NOS2: variants seen among roughly 807,000 people sequenced by gnomAD.
The protein encoded by NOS2 is nitric oxide synthase, inducible.
A neutral mutation model predicts 136.0 loss-of-function variants in NOS2; 96 were observed. The ratio of observed to expected loss-of-function variants is 0.71; its 90% CI spans 0.60 to 0.84. NOS2 has a LOEUF of 0.84. Ranked by LOEUF, NOS2 falls within the 40% of genes least tolerant of loss-of-function variation. NOS2 has a pLI of 0.00. For synonymous variants in NOS2, 539 were observed against 587.5 expected, an observed-to-expected ratio of 0.92 and a Z score of 1.20; for missense variants, 1,237 against 1,496.9, an observed-to-expected ratio of 0.83 and a Z score of 2.87.
chr17:27,775,371 G>A (rs1034561643), intron 11 of NOS2, among the ~76,000 whole-genome samples: 1 of 152,112 alleles, frequency 6.6e-6, no homozygotes, highest in African/African-American at 2.4e-5. Context: ...GGCGAGACGG[G>A]GAGATCACCT....
At chr17:27,786,003 G>A (rs531392917) in intron 5 of NOS2, among the ~76,000 whole-genome samples, 1 of 150,314 alleles carries the variant, frequency 6.7e-6, no homozygotes, top group Non-Finnish European at 1.5e-5. Flanking sequence ...AAGTGGAGGT[G>A]GTACCACCAG....
At chr17:27,781,433 T>C (rs1377589102) in intron 7 of NOS2, among the ~76,000 whole-genome samples, 1 of 152,204 alleles carries the variant, frequency 6.6e-6, no homozygotes, top group African/African-American at 2.4e-5. Flanking sequence ...TATGTCTCCG[T>C]CCTTGCAGTT....
intron 15 of NOS2, among the ~76,000 whole-genome samples, chr17:27,770,356 C>T (rs1008214625): frequency 3.9e-5 from 6 of 152,148 alleles, no homozygotes; most frequent in South Asian, 2.1e-4. Context: ...CATGGTGGCG[C>T]GTGCCTGTAA....
At position 27,757,141 on chromosome 17, in the gene NOS2, G is replaced by T. The variant is rs1907950273; in HGVS notation, c.*105C>A. 3.7e-6 allele frequency: 3 copies of T among 817,048 alleles called. No homozygotes were observed. Among genetic ancestry groups the T allele is most frequent in the Non-Finnish European group, 3.9e-6 (2 of 519,058 alleles). 50.6% of individuals were successfully genotyped at this position (817,048 alleles called of 1,614,324 possible). A position where few individuals can be genotyped will look rare whatever the true frequency, so the allele number is the denominator to read the frequency against. On this transcript the variant is annotated 3_prime_UTR_variant, in exon 27 of 27. Coordinates refer to ENST00000313735, the MANE Select transcript of NOS2 (RefSeq NM_000625.4). Reference sequence around the variant, plus strand: ...GAGGAAATAAGACTTGAGGCTGGGGGATATCACTTTCCTCCATCTCCCCAG... The same window carrying T: ...GAGGAAATAAGACTTGAGGCTGGGGTATATCACTTTCCTCCATCTCCCCAG...
Position 27,760,689 on chromosome 17 carries a change from GC to G in NOS2, c.2943del (p.Pro982LeufsTer29). 6.4e-7 allele frequency: 1 copy of G among 1,551,280 alleles called. No individual in the cohort carries two copies. Among genetic ancestry groups the G allele is most frequent in the Non-Finnish European group, 8.7e-7 (1 of 1,147,202 alleles). On this transcript the variant is annotated frameshift_variant, in exon 24 of 27. Transcript: ENST00000313735. LOFTEE classifies it high-confidence loss of function. Reference protein sequence around the residue: ...EDPSHPCILIGPGTGIAPFRS... With the variant: ...EDPSHPCILIXPGTGIAPFRS... ...CGGAAGGGCGCGATGCCTGTGCCAGGCCCGATGAGGATGCAAGGATGGGAGG... is the reference window on the plus strand; with the variant it reads ...CGGAAGGGCGCGATGCCTGTGCCAGGCCGATGAGGATGCAAGGATGGGAGG...
chr17:27,760,723 G>A lies in NOS2; in HGVS notation c.2910C>T (p.Pro970=). ...GGATGCAAGGATGGGAGGGATCCTCGGGGAGGTGGAAGCCGCTGGCACTGA... is the reference window on the plus strand; with the variant it reads ...GGATGCAAGGATGGGAGGGATCCTCAGGGAGGTGGAAGCCGCTGGCACTGA... ...FVRNASGFHL[P]EDPSHPCILI... Residue 970 remains proline, a synonymous_variant, in exon 24 of 27, where the codon CCC becomes CCT. Coordinates refer to ENST00000313735, the MANE Select transcript of NOS2 (RefSeq NM_000625.4). 1 of 1,550,056 alleles carries A rather than the reference G, an allele frequency of 6.5e-7. No homozygotes were observed. The highest frequency in any genetic ancestry group is 8.7e-7 in the Non-Finnish European group (1 of 1,146,988).
At chr17:27,772,540 C>T (rs1255637999) in intron 13 of NOS2, 88 bp from the exon 14 acceptor site, 35 of 1,481,832 alleles carry the variant, frequency 2.4e-5, no homozygotes, top group South Asian at 4.8e-5. Flanking sequence ...GAGGGGACAG[C>T]GTTTAATGTG....
intron 2 of NOS2, among the ~76,000 whole-genome samples, chr17:27,794,827 A>G (rs1909304611): frequency 6.6e-6 from 1 of 152,208 alleles, no homozygotes. Context: ...TGACACCTGA[A>G]CAGATTAGAA....
At chr17:27,789,874 T>G (rs1309631511) in intron 2 of NOS2, among the ~76,000 whole-genome samples, 186 bp from the exon 3 acceptor site, 1 of 152,148 alleles carries the variant, frequency 6.6e-6, no homozygotes, top group Non-Finnish European at 1.5e-5. Context: ...TCTTATCTTC[T>G]TCCTCCCGCA....
chr17:27,761,277 C>G (rs759458902), intron 22 of NOS2, 46 bp from the exon 23 acceptor site: 2 of 1,491,834 alleles, frequency 1.3e-6, no homozygotes, highest in African/African-American at 2.9e-5. Flanking sequence ...ACTGCCCATG[C>G]GCAAACTGTA....
chr17:27,775,803 T>A (rs559811789), intron 11 of NOS2, among the ~76,000 whole-genome samples: 60 of 152,084 alleles, frequency 3.9e-4, no homozygotes, highest in Non-Finnish European at 5.0e-4. Flanking sequence ...AGTTCTTACA[T>A]CATGAGGTTG....
intron 12 of NOS2, among the ~76,000 whole-genome samples, chr17:27,773,860 G>C (rs28999399): frequency 0.045 from 6,898 of 152,272 alleles, 331 homozygotes; most frequent in East Asian, 0.21. Flanking sequence ...CCCTTTTAGA[G>C]ATGAGAAGAT....
chr17:27,787,995 C>G (rs1909073049), intron 4 of NOS2, among the ~76,000 whole-genome samples, 169 bp from the exon 5 acceptor site: 1 of 152,192 alleles, frequency 6.6e-6, no homozygotes, highest in Non-Finnish European at 1.5e-5. Context: ...CTTTCTCCCA[C>G]CTAGATCTCC....
At chr17:27,771,071 ACC>A in intron 14 of NOS2, 54 bp from the exon 15 acceptor site, 6 of 1,335,542 alleles carry the variant, frequency 4.5e-6, no homozygotes, top group Non-Finnish European at 5.3e-6. Flanking sequence ...GGCCCTCCCT[ACC>A]CTGCGCAGAC....
intron 15 of NOS2, 51 bp from the exon 16 acceptor site, chr17:27,769,635 C>T: frequency 6.8e-7 from 1 of 1,473,300 alleles, no homozygotes; most frequent in Admixed American, 1.7e-5. Flanking sequence ...AATAAAAACA[C>T]TGTTTTTTCC....
intron 15 of NOS2, 151 bp downstream of exon 15, chr17:27,770,762 T>C (rs1475667145): frequency 3.0e-5 from 17 of 572,582 alleles, no homozygotes; most frequent in Non-Finnish European, 4.7e-5. Context: ...ATAATTACAA[T>C]GGAGGCCGGC....
At chr17:27,773,370 C>T (rs956906421) in intron 12 of NOS2, 127 bp from the exon 13 acceptor site, 11 of 680,878 alleles carry the variant, frequency 1.6e-5, no homozygotes, top group Non-Finnish European at 2.5e-5. Context: ...GCCTGCGCCC[C>T]ACCCCTGTCA....
Position 27,774,269 on chromosome 17 carries a change from G to C in NOS2, c.1464C>G (p.Phe488Leu). The change falls in exon 12 of 27, where the codon TTC (phenylalanine) becomes TTG (leucine). Residue 488 changes from phenylalanine to leucine, a missense_variant. Around this residue, in one of 3 missense-constraint regions of NOS2, gnomAD observed 782 missense variants for 909.9 expected, o/e 0.86. Transcript: ENST00000313735. ...QEMLNYVLSP[F>L]YYYQVEAWKT... ...GAAGGCCCCTAACCTGATAGTAGTA[G>C]AAAGGGGACAGGACGTAGTTCAGCA... is the stretch of plus-strand genomic sequence containing the variant. The C allele has an allele frequency of 6.6e-7, 1 of 1,505,524 alleles. No individual in the cohort carries two copies. Among genetic ancestry groups the C allele is most frequent in the East Asian group, 2.5e-5 (1 of 40,486 alleles). The allele number at this position is 1,505,524 out of a possible 1,614,324, so 93.3% of individuals were successfully genotyped here. A position where few individuals can be genotyped will look rare whatever the true frequency, so the allele number is the denominator to read the frequency against.
intron 5 of NOS2, among the ~76,000 whole-genome samples, chr17:27,783,432 T>G (rs1025400762): frequency 6.6e-6 from 1 of 152,244 alleles, no homozygotes; most frequent in South Asian, 2.1e-4. Flanking sequence ...GTGCTTTTTC[T>G]TTAATCATAT....
Sources: gnomAD v4.1 joint callset for allele counts (sites outside exome capture counted in the v4.1 genomes callset) on GRCh38, gnomAD v4.1.1 for gene constraint, gnomAD v4.1.1 regional missense constraint, MANE v1.5 for transcripts, NCBI Gene and HGNC (gene_info 2026-07-23, HGNC 2026-07-21) for gene names.